Variants in ZNF100 observed in about 807,000 individuals in gnomAD.
ZNF100 encodes zinc finger protein 100 (Y1).
In ZNF100, 12 loss-of-function variants were observed where a neutral mutation model predicts 15.8. The ratio of observed to expected loss-of-function variants is 0.76; its 90% CI spans 0.49 to 1.23. The LOEUF is 1.23. Among genes scored for constraint, ZNF100 ranks in the 50% most tolerant of loss-of-function variants. The pLI is 0.00. For synonymous variants in ZNF100, 226 were observed against 214.8 expected, an observed-to-expected ratio of 1.05 and a Z score of -0.45; for missense variants, 670 against 635.6, an observed-to-expected ratio of 1.05 and a Z score of -0.58.
At chr19:21,736,620 T>TA (rs1340576313) in intron 4 of ZNF100, among the ~76,000 whole-genome samples, 1 of 152,222 alleles carries the variant, frequency 6.6e-6, no homozygotes, top group African/African-American at 2.4e-5. Flanking sequence ...ACATGGCACT[T>TA]ACTCTAAAAT....
At position 21,767,504 on chromosome 19, in the gene ZNF100, C is replaced by T. The variant is rs1002509201; in HGVS notation, c.-75G>A. The stretch of plus-strand genomic sequence containing the variant: ...TCTGCAGGTCAGAGGGCCACACAGG[C>T]TAGGCCCCTAGGAGCAGAAGACACA... On this transcript the variant is annotated 5_prime_UTR_variant, in exon 1 of 5. Transcript: ENST00000358296. The T allele has an allele frequency of 1.7e-5, 28 of 1,600,402 alleles. No homozygotes were observed. Among genetic ancestry groups the T allele is most frequent in the East Asian group, 2.2e-5 (1 of 44,686 alleles).
intron 2 of ZNF100, among the ~76,000 whole-genome samples, chr19:21,749,993 G>C (rs1360055759): frequency 6.6e-6 from 1 of 152,122 alleles, no homozygotes; most frequent in Non-Finnish European, 1.5e-5. Flanking sequence ...AATCAAAGGA[G>C]AGCTCCCCTC....
At chr19:21,761,669 CTTTT>C (rs78046056) in intron 2 of ZNF100, among the ~76,000 whole-genome samples, 4 of 151,110 alleles carry the variant, frequency 2.6e-5, no homozygotes, top group Non-Finnish European at 4.4e-5. Flanking sequence ...AAGACTAAAA[CTTTT>C]TTTTTTTATG....
At chr19:21,751,494 G>A in intron 2 of ZNF100, 1 of 1,016,344 alleles carries the variant, frequency 9.8e-7, no homozygotes, top group Non-Finnish European at 1.6e-6. Flanking sequence ...TACTTAGAAA[G>A]GCTTTTAACT....
At chr19:21,758,172 T>A (rs1381207643) in intron 2 of ZNF100, among the ~76,000 whole-genome samples, 1 of 151,630 alleles carries the variant, frequency 6.6e-6, no homozygotes, top group Non-Finnish European at 1.5e-5. Flanking sequence ...CCATTAGCCT[T>A]AGAAAACTCA....
intron 4 of ZNF100, among the ~76,000 whole-genome samples, chr19:21,743,403 C>T (rs1337433827): frequency 6.6e-6 from 1 of 151,882 alleles, no homozygotes; most frequent in Non-Finnish European, 1.5e-5. Flanking sequence ...CATTTTTTTC[C>T]ACAGTAATAA....
rs1463630697 is a variant in ZNF100 at position 21,766,524 on chromosome 19, A to G, written c.4-738T>C. Reference sequence around the variant, plus strand: ...CTGTTAATTAACCTCTGATTACACAACCAGGAAATCTTCACCTGTATTGTA... The same window carrying G: ...CTGTTAATTAACCTCTGATTACACAGCCAGGAAATCTTCACCTGTATTGTA... On this transcript the variant is annotated intron_variant, in intron 1 of 4. Transcript: ENST00000358296. Among the ~76,000 whole-genome samples, 5 of 152,200 alleles carry G rather than the reference A, an allele frequency of 3.3e-5. No homozygotes were observed. The East Asian group carries it at 7.7e-4, about 23-fold the overall frequency.
intron 4 of ZNF100, among the ~76,000 whole-genome samples, chr19:21,737,231 A>C (rs1332420889): frequency 6.6e-6 from 1 of 152,148 alleles, no homozygotes; most frequent in East Asian, 1.9e-4. Context: ...CCCTACATTA[A>C]TACAATCATC....
At chr19:21,730,786 A>G (rs2035902636) in intron 4 of ZNF100, among the ~76,000 whole-genome samples, 1 of 152,186 alleles carries the variant, frequency 6.6e-6, no homozygotes, top group African/African-American at 2.4e-5. Context: ...GTTAAGACTG[A>G]GATTGTATGG....
intron 4 of ZNF100, among the ~76,000 whole-genome samples, chr19:21,734,793 T>C (rs1184632491): frequency 6.6e-6 from 1 of 151,984 alleles, no homozygotes; most frequent in African/African-American, 2.4e-5. Flanking sequence ...GAAAAAATGA[T>C]AAGGACAGCC....
intron 2 of ZNF100, among the ~76,000 whole-genome samples, chr19:21,759,256 T>C (rs2036440926): frequency 6.6e-6 from 1 of 152,144 alleles, no homozygotes; most frequent in African/African-American, 2.4e-5. Flanking sequence ...TTACAGATTA[T>C]AAAAGATACA....
At position 21,734,646 on chromosome 19, in the gene ZNF100, T is replaced by C. The variant is rs530316926; in HGVS notation, c.323-6657A>G. Among the ~76,000 whole-genome samples, 156 of 152,224 alleles carry C rather than the reference T, an allele frequency of 1.0e-3. 2 individuals are homozygous for C. The highest frequency in any genetic ancestry group is 3.6e-3 in the African/African-American group (149 of 41,528). On this transcript the variant is annotated intron_variant, in intron 4 of 4. Coordinates refer to ENST00000358296, the MANE Select transcript of ZNF100 (RefSeq NM_173531.4). ...TTGGAAAACATACTTCAGGATATCA[T>C]CGAGAAAAACTTTTCCAACCTAACA...
At chr19:21,763,261 T>G (rs1341299673) in intron 2 of ZNF100, among the ~76,000 whole-genome samples, 2 of 151,146 alleles carry the variant, frequency 1.3e-5, no homozygotes, top group African/African-American at 2.4e-5. Flanking sequence ...GGGACCCTTT[T>G]CGGTAAAATC....
At position 21,725,578 on chromosome 19, in the gene ZNF100, C is replaced by G. The variant is rs149343160; in HGVS notation, c.*1105G>C. ...AAAAAAGAATCTCTCATATCTGATG[C>G]AGCAACAATTGATCACATGCTTTCA... On this transcript the variant is annotated 3_prime_UTR_variant, in exon 5 of 5. Coordinates refer to ENST00000358296, the MANE Select transcript of ZNF100 (RefSeq NM_173531.4). 6.6e-6 allele frequency: 1 copy of G among 152,034 alleles called. No individual in the cohort carries two copies. Among genetic ancestry groups the G allele is most frequent in the Non-Finnish European group, 1.5e-5 (1 of 67,986 alleles). 9.4% of individuals were successfully genotyped at this position (152,034 alleles called of 1,614,324 possible). A position where few individuals can be genotyped will look rare whatever the true frequency, so the allele number is the denominator to read the frequency against.
intron 2 of ZNF100, among the ~76,000 whole-genome samples, chr19:21,747,210 A>G (rs2036227368): frequency 6.6e-6 from 1 of 152,154 alleles, no homozygotes; most frequent in African/African-American, 2.4e-5. Flanking sequence ...TTTAGTGCAA[A>G]GGTGGCACTT....
Position 21,767,500 on chromosome 19 carries a change from C to T in ZNF100, c.-71G>A, listed in dbSNP as rs75668513. ...AATATCTGCAGGTCAGAGGGCCACACAGGCTAGGCCCCTAGGAGCAGAAGA... is the reference window on the plus strand; with the variant it reads ...AATATCTGCAGGTCAGAGGGCCACATAGGCTAGGCCCCTAGGAGCAGAAGA... On this transcript the variant is annotated 5_prime_UTR_variant, in exon 1 of 5. In the 5' UTR this introduces an upstream ATG that the reference lacks. Coordinates refer to ENST00000358296, the MANE Select transcript of ZNF100 (RefSeq NM_173531.4). 75,767 of 1,605,598 alleles carry T rather than the reference C, an allele frequency of 0.047. 1,999 individuals carry two copies. Among genetic ancestry groups the T allele is most frequent in the African/African-American group, 0.095 (7,089 of 74,734 alleles).
Position 21,727,556 on chromosome 19 carries a change from C to T in ZNF100, c.756G>A (p.Arg252=), listed in dbSNP as rs755883141. The T allele has an allele frequency of 1.2e-6, 2 of 1,613,868 alleles. No homozygotes were observed. Among genetic ancestry groups the T allele is most frequent in the South Asian group, 2.2e-5 (2 of 91,072 alleles). Residue 252 remains arginine, a synonymous_variant, in exon 5 of 5, where the codon AGG becomes AGA. Coordinates refer to ENST00000358296, the MANE Select transcript of ZNF100 (RefSeq NM_173531.4). The part of the protein sequence containing the change: ...FNWFSTLTTH[R]RIHTGEKPYK... Reference sequence around the variant, plus strand: ...AGGGTTTCTCTCCAGTATGAATTCTCCTGTGTGTAGTAAGGGTTGAGAACC... The same window carrying T: ...AGGGTTTCTCTCCAGTATGAATTCTTCTGTGTGTAGTAAGGGTTGAGAACC...
intron 2 of ZNF100, among the ~76,000 whole-genome samples, chr19:21,760,226 T>G (rs1433154117): frequency 1.3e-5 from 2 of 149,254 alleles, no homozygotes; most frequent in Non-Finnish European, 3.0e-5. Flanking sequence ...TATGACTAAG[T>G]GTATGTTATT....
chr19:21,758,991 T>G (rs544893754), intron 2 of ZNF100, among the ~76,000 whole-genome samples: 77 of 152,280 alleles, frequency 5.1e-4, no homozygotes, highest in African/African-American at 1.8e-3. Flanking sequence ...CAGAGTTTGC[T>G]GAATACCAAG....
Sources: gnomAD v4.1 joint callset for allele counts (sites outside exome capture counted in the v4.1 genomes callset) on GRCh38, gnomAD v4.1.1 for gene constraint, MANE v1.5 for transcripts, NCBI Gene and HGNC (gene_info 2026-07-23, HGNC 2026-07-21) for gene names.